NAALADL2: variants seen among roughly 807,000 people sequenced by gnomAD.
The protein encoded by NAALADL2 is N-acetylated alpha-linked acidic dipeptidase like 2.
A neutral mutation model predicts 87.2 loss-of-function variants in NAALADL2; 76 were observed. The ratio of observed to expected loss-of-function variants is 0.87; its 90% CI spans 0.72 to 1.05. NAALADL2 has a LOEUF of 1.05. Among genes scored for constraint, NAALADL2 ranks in the 50% least tolerant of loss-of-function variants. NAALADL2 has a pLI of 0.00. For synonymous variants in NAALADL2, 354 were observed against 331.0 expected (o/e 1.07, Z -0.75); for missense variants, 1,089 against 945.8 (o/e 1.15, Z -1.99).
chr3:175,754,039 A>G (rs1746934098), intron 12 of NAALADL2, among the ~76,000 whole-genome samples: 2 of 152,164 alleles, frequency 1.3e-5, no homozygotes, highest in African/African-American at 4.8e-5. Context: ...CCTGATTCTA[A>G]TGGTGAGATA....
intron 11 of NAALADL2, among the ~76,000 whole-genome samples, chr3:175,733,312 A>G (rs1744043412): frequency 6.6e-6 from 1 of 152,200 alleles, no homozygotes; most frequent in Non-Finnish European, 1.5e-5. Context: ...AAGCCTCATA[A>G]TCATGTTGGA....
At chr3:175,499,628 A>G (rs1294255455) in intron 9 of NAALADL2, among the ~76,000 whole-genome samples, 1 of 151,980 alleles carries the variant, frequency 6.6e-6, no homozygotes, top group East Asian at 1.9e-4. Context: ...CAGGTCCGTG[A>G]TTCGGATTGG....
chr3:174,662,430 C>A (rs57104293), intron 2 of NAALADL2, among the ~76,000 whole-genome samples: 11,797 of 152,138 alleles, frequency 0.078, 683 homozygotes, highest in South Asian at 0.27. Context: ...CCTATTTATT[C>A]AGAAAACTAA....
intron 2 of NAALADL2, among the ~76,000 whole-genome samples, chr3:174,649,306 A>G (rs1210474899): frequency 6.6e-6 from 1 of 152,176 alleles, no homozygotes; most frequent in Non-Finnish European, 1.5e-5. Context: ...ATGACTTGTC[A>G]GAGAGTTCAC....
intron 5 of NAALADL2, among the ~76,000 whole-genome samples, chr3:175,439,492 A>G (rs1719328977): frequency 8.4e-6 from 1 of 119,270 alleles, no homozygotes; most frequent in Admixed American, 1.0e-4. Context: ...CACCACATCC[A>G]TGCCAACATC....
chr3:175,035,417 G>A (rs891129130), intron 1 of NAALADL2, among the ~76,000 whole-genome samples: 4 of 152,050 alleles, frequency 2.6e-5, no homozygotes, highest in African/African-American at 7.2e-5. Flanking sequence ...CAGTAGGAGA[G>A]CAATATAAGA....
At chr3:175,650,611 C>A (rs191809113) in intron 11 of NAALADL2, among the ~76,000 whole-genome samples, 1 of 152,224 alleles carries the variant, frequency 6.6e-6, no homozygotes, top group African/African-American at 2.4e-5. Flanking sequence ...AAGATTCAGT[C>A]CTATTCTTCC....
At chr3:174,918,165 C>G (rs77650564) in intron 1 of NAALADL2, among the ~76,000 whole-genome samples, 123 of 151,670 alleles carry the variant, frequency 8.1e-4, no homozygotes, top group African/African-American at 2.9e-3. Flanking sequence ...AGTACTTATT[C>G]AGAATATTCA....
chr3:175,169,953 A>C (rs994328572), intron 2 of NAALADL2, among the ~76,000 whole-genome samples: 5 of 151,850 alleles, frequency 3.3e-5, no homozygotes, highest in African/African-American at 1.2e-4. Context: ...TGAGTTCTAC[A>C]CATTTTATTC....
At chr3:174,604,978 C>T (rs564949727) in intron 2 of NAALADL2, among the ~76,000 whole-genome samples, 13 of 152,116 alleles carry the variant, frequency 8.5e-5, no homozygotes, top group East Asian at 1.9e-4. Flanking sequence ...ATCTTGAACT[C>T]CTGACCTCAG....
chr3:175,321,893 G>A lies in NAALADL2; in HGVS notation c.940-2282G>A, dbSNP rs1238883879. On this transcript the variant is annotated intron_variant, in intron 4 of 13. Coordinates refer to ENST00000454872, the MANE Select transcript of NAALADL2 (RefSeq NM_207015.3). ...CTCATGGGTAGGAAGAATCAATATC[G>A]TGAAAATGGCCATACTGCCCAAGGT... Among the ~76,000 whole-genome samples the A allele has an allele frequency of 6.4e-3, 906 of 141,462 alleles. 12 individuals carry two copies. Among genetic ancestry groups the A allele is most frequent in the African/African-American group, 0.023 (861 of 37,584 alleles). The allele number at this position is 141,462 out of a possible 152,430, so 92.8% of individuals were successfully genotyped here. A position where few individuals can be genotyped will look rare whatever the true frequency, so the allele number is the denominator to read the frequency against.
intron 5 of NAALADL2, among the ~76,000 whole-genome samples, chr3:175,408,256 T>C (rs1224097014): frequency 6.6e-6 from 1 of 152,022 alleles, no homozygotes; most frequent in African/African-American, 2.4e-5. Flanking sequence ...TATTTCAAAA[T>C]TGATAAAAGA....
At chr3:175,715,064 T>A (rs1281559954) in intron 11 of NAALADL2, among the ~76,000 whole-genome samples, 1 of 152,202 alleles carries the variant, frequency 6.6e-6, no homozygotes, top group Non-Finnish European at 1.5e-5. Context: ...TTTTCCCTAA[T>A]ATTCTTTACA....
intron 13 of NAALADL2, among the ~76,000 whole-genome samples, chr3:175,799,553 A>G (rs1189262463): frequency 6.6e-6 from 1 of 152,104 alleles, no homozygotes; most frequent in African/African-American, 2.4e-5. Context: ...GTTAGCCTGA[A>G]AAAACTAACT....
chr3:174,720,254 G>A (rs1005467705), intron 2 of NAALADL2, among the ~76,000 whole-genome samples: 2 of 151,934 alleles, frequency 1.3e-5, no homozygotes, highest in African/African-American at 2.4e-5. Context: ...TTTTTTAAAG[G>A]CATAGTATTG....
chr3:174,563,884 C>T (rs1403355934), intron 2 of NAALADL2, among the ~76,000 whole-genome samples: 1 of 152,106 alleles, frequency 6.6e-6, no homozygotes, highest in Non-Finnish European at 1.5e-5. Flanking sequence ...GTAAGAGTCA[C>T]CTTAAGATTG....
intron 7 of NAALADL2, among the ~76,000 whole-genome samples, 155 bp downstream of exon 7, chr3:175,463,648 G>A (rs1395892055): frequency 2.0e-5 from 3 of 150,334 alleles, no homozygotes; most frequent in South Asian, 2.1e-4. Flanking sequence ...ACTAAGAAGT[G>A]GGTCTTCCTT....
chr3:174,459,566 C>T (rs1356067844), intron 1 of NAALADL2: 1 of 152,162 alleles, frequency 6.6e-6, no homozygotes, highest in African/African-American at 2.4e-5. Context: ...TGGATTTATT[C>T]AGTAATTTTA....
At chr3:175,221,961 T>C (rs563139796) in intron 2 of NAALADL2, among the ~76,000 whole-genome samples, 2 of 152,020 alleles carry the variant, frequency 1.3e-5, no homozygotes, top group South Asian at 2.1e-4. Flanking sequence ...GTGTGTATTT[T>C]AGTAGAGTTG....
Sources: allele counts gnomAD v4.1 joint callset (sites outside exome capture counted in the v4.1 genomes callset), GRCh38; gene constraint gnomAD v4.1.1; transcripts MANE v1.5; gene names NCBI Gene and HGNC (gene_info 2026-07-23, HGNC 2026-07-21).